The following LNX1 variants were observed in gnomAD, a reference collection of about 807,000 sequenced individuals.
The protein encoded by LNX1 is E3 ubiquitin-protein ligase LNX.
In LNX1, 54 loss-of-function variants were observed where a neutral mutation model predicts 68.4. The observed-to-expected ratio is 0.79, with a 90% CI of 0.63 to 0.99. The LOEUF (loss-of-function observed/expected upper bound fraction) is 0.99. Ranked by LOEUF, LNX1 falls within the 50% of genes least tolerant of loss-of-function variation. LNX1 has a pLI of 0.00. For synonymous variants in LNX1, 336 were observed against 350.0 expected, an observed-to-expected ratio of 0.96 and a Z score of 0.45; for missense variants, 906 against 926.4, an observed-to-expected ratio of 0.98 and a Z score of 0.29.
intron 2 of LNX1, among the ~76,000 whole-genome samples, chr4:53,516,234 CCTAT>C (rs985596243): frequency 1.3e-5 from 2 of 151,974 alleles, no homozygotes; most frequent in African/African-American, 2.4e-5. Context: ...AGAGCAACAC[CCTAT>C]CTATCTCTTT....
chr4:53,459,699 T>A lies in LNX1; in HGVS notation c.*1208A>T. On this transcript the variant is annotated 3_prime_UTR_variant, in exon 11 of 11. Coordinates refer to ENST00000263925, the MANE Select transcript of LNX1 (RefSeq NM_001126328.3). ...AAGAAAGGAATGTGAATGAGTCACTTAACAGGGAATCTAAAGAGCTGTGTT... is the reference window on the plus strand; with the variant it reads ...AAGAAAGGAATGTGAATGAGTCACTAAACAGGGAATCTAAAGAGCTGTGTT... 1 of 506,724 alleles carries A rather than the reference T, an allele frequency of 2.0e-6. No individual in the cohort carries two copies. The highest frequency in any genetic ancestry group is 3.5e-6 in the Non-Finnish European group (1 of 282,122). 31.4% of individuals were successfully genotyped at this position (506,724 alleles called of 1,614,324 possible). A position where few individuals can be genotyped will look rare whatever the true frequency, so the allele number is the denominator to read the frequency against.
intron 2 of LNX1, among the ~76,000 whole-genome samples, chr4:53,570,402 A>G (rs1158633358): frequency 6.8e-6 from 1 of 148,010 alleles, no homozygotes; most frequent in African/African-American, 2.5e-5. Context: ...TTCTCAGTAA[A>G]CTATCACAAG....
At chr4:53,558,011 T>C in intron 2 of LNX1, 1 of 1,610,624 alleles carries the variant, frequency 6.2e-7, no homozygotes, top group Non-Finnish European at 8.5e-7. Context: ...TTCTGTCAGC[T>C]ACAAGGGCCC....
chr4:53,463,009 G>A lies in LNX1; in HGVS notation c.1893-1416C>T, dbSNP rs1229339724. ...TACATTCCCACCTGGGAGGATGTGT[G>A]CCCAATTTTTTGGAGAAAGGTAAGA... On this transcript the variant is annotated intron_variant, in intron 9 of 10. Coordinates refer to ENST00000263925, the MANE Select transcript of LNX1 (RefSeq NM_001126328.3). Among the ~76,000 whole-genome samples the A allele has an allele frequency of 2.0e-5, 3 of 152,096 alleles. No homozygotes were observed. In the East Asian group the frequency reaches 5.8e-4, roughly 29 times the overall value.
intron 2 of LNX1, among the ~76,000 whole-genome samples, chr4:53,557,464 G>C (rs1409075730): frequency 6.6e-6 from 1 of 152,028 alleles, no homozygotes; most frequent in East Asian, 1.9e-4. Flanking sequence ...CAGGTATAGA[G>C]ACTGTCTCAA....
chr4:53,626,987 A>T (rs1734099614), intron 1 of LNX1, among the ~76,000 whole-genome samples: 1 of 152,172 alleles, frequency 6.6e-6, no homozygotes, highest in South Asian at 2.1e-4. Flanking sequence ...TATTATAAAG[A>T]TTGGCCGGGG....
At chr4:53,573,190 A>G (rs1446669553) in intron 2 of LNX1, among the ~76,000 whole-genome samples, 1 of 152,234 alleles carries the variant, frequency 6.6e-6, no homozygotes, top group Non-Finnish European at 1.5e-5. Context: ...TAGAGCAGTC[A>G]TATCCATGGA....
chr4:53,630,690 T>C (rs1178956907), intron 1 of LNX1, among the ~76,000 whole-genome samples: 5 of 152,270 alleles, frequency 3.3e-5, no homozygotes, highest in African/African-American at 9.6e-5. Flanking sequence ...CAACAACATA[T>C]ATTAGATGCG....
intron 9 of LNX1, among the ~76,000 whole-genome samples, chr4:53,466,589 CAAAG>C (rs1271200487): frequency 6.6e-6 from 1 of 152,168 alleles, no homozygotes; most frequent in Non-Finnish European, 1.5e-5. Context: ...CTTTCCTAGT[CAAAG>C]AAAGGGGTGA....
intron 2 of LNX1, among the ~76,000 whole-genome samples, chr4:53,563,746 G>C (rs1239353381): frequency 6.6e-6 from 1 of 152,112 alleles, no homozygotes; most frequent in Non-Finnish European, 1.5e-5. Context: ...TTTTGGTCAG[G>C]CTGGTCTTGA....
chr4:53,502,872 C>T (rs569394693), intron 4 of LNX1, among the ~76,000 whole-genome samples: 2 of 152,164 alleles, frequency 1.3e-5, no homozygotes, highest in South Asian at 4.2e-4. Flanking sequence ...TTTGCTCATC[C>T]GTAAGAAATG....
At chr4:53,546,417 C>T (rs1379584760) in intron 2 of LNX1, among the ~76,000 whole-genome samples, 2 of 152,152 alleles carry the variant, frequency 1.3e-5, no homozygotes, top group African/African-American at 2.4e-5. Flanking sequence ...ACCTCTATGT[C>T]ATTGCTTTGC....
At chr4:53,572,559 C>G (rs774652664) in intron 2 of LNX1, among the ~76,000 whole-genome samples, 8 of 152,200 alleles carry the variant, frequency 5.3e-5, no homozygotes, top group Non-Finnish European at 7.3e-5. Context: ...ATACCTGCAC[C>G]TGCCTCTTGC....
In LNX1 at chr4:53,591,198, A is replaced by G. The variant is rs935884384; in HGVS notation, c.-87+190T>C. Among the ~76,000 whole-genome samples the G allele has an allele frequency of 6.5e-4, 99 of 152,152 alleles. 1 individual carries two copies. Among genetic ancestry groups the G allele is most frequent in the Non-Finnish European group, 2.5e-4 (17 of 68,036 alleles). ...AAGGATTAAATATCTGGCCTGGGAG[A>G]AGTTTATTGTGCAACTAGAATGTCA... On this transcript the variant is annotated intron_variant, in intron 1 of 10. Transcript: ENST00000263925.
intron 2 of LNX1, among the ~76,000 whole-genome samples, chr4:53,526,817 A>C (rs1431044089): frequency 6.6e-6 from 1 of 151,982 alleles, no homozygotes; most frequent in East Asian, 1.9e-4. Context: ...CTCTTCTGTT[A>C]TATTGTGAGG....
At chr4:53,648,346 T>A (rs79784874) in intron 1 of LNX1, among the ~76,000 whole-genome samples, 22,154 of 152,202 alleles carry the variant, frequency 0.15, 1,671 homozygotes, top group Non-Finnish European at 0.16. Context: ...TTTGATTTGC[T>A]TTTTCCTAAC....
chr4:53,639,987 G>C (rs1316224386), intron 1 of LNX1, among the ~76,000 whole-genome samples: 2 of 151,980 alleles, frequency 1.3e-5, no homozygotes, highest in Non-Finnish European at 2.9e-5. Context: ...AGCTGAGACT[G>C]CACCACTGAA....
intron 1 of LNX1, among the ~76,000 whole-genome samples, chr4:53,638,313 G>A (rs1329362294): frequency 6.6e-6 from 1 of 152,180 alleles, no homozygotes; most frequent in Non-Finnish European, 1.5e-5. Flanking sequence ...ATTCTAGTTA[G>A]CAAGACTGTA....
chr4:53,594,035 G>A (rs1732637528), upstream of LNX1: 1 of 152,022 alleles, frequency 6.6e-6, no homozygotes, highest in Non-Finnish European at 1.5e-5. Context: ...AGAAGGAGAA[G>A]TAGAAACCTG....
Sources: gnomAD v4.1 joint callset for allele counts (sites outside exome capture counted in the v4.1 genomes callset) on GRCh38, gnomAD v4.1.1 for gene constraint, MANE v1.5 for transcripts, NCBI Gene and HGNC (gene_info 2026-07-23, HGNC 2026-07-21) for gene names.